Variants in GPRIN3 observed in about 807,000 individuals in gnomAD.
GPRIN3 encodes the protein G protein-regulated inducer of neurite outgrowth 3.
In GPRIN3, 12 loss-of-function variants were observed where a neutral mutation model predicts 13.7. The observed-to-expected ratio is 0.87, with a 90% CI of 0.56 to 1.42. The LOEUF (loss-of-function observed/expected upper bound fraction) is 1.42, where lower values mean the gene tolerates loss of function less well. GPRIN3 is among the 40% of genes most tolerant of loss of function. GPRIN3 has a pLI of 0.00. For missense variants in GPRIN3, 1,009 were observed against 958.7 expected (o/e 1.05, Z -0.69); for synonymous variants, 377 against 372.7 (o/e 1.01, Z -0.13).
Position 89,249,988 on chromosome 4 carries a change from A to T in GPRIN3, c.123T>A (p.Cys41Ter). The change falls in exon 2 of 2, where the codon TGT becomes TGA. Residue 41 changes from cysteine to a stop codon, truncating the protein, a stop_gained. Coordinates refer to ENST00000609438, the MANE Select transcript of GPRIN3 (RefSeq NM_198281.3). LOFTEE classifies it low-confidence loss of function (END_TRUNC). ...ASPRHRPALL[C>*]KNANGFSGAP... ...CACCTGAAAAGCCATTGGCATTCTT[A>T]CACAGGAGAGCTGGTCGATGCCGAG... 1 of 1,614,238 alleles carries T rather than the reference A, an allele frequency of 6.2e-7. No individual in the cohort carries two copies. The highest frequency in any genetic ancestry group is 1.1e-5 in the South Asian group (1 of 91,088).
At position 89,294,050 on chromosome 4, in the gene GPRIN3, A is replaced by G. The variant is rs1425946019; in HGVS notation, c.-124+13565T>C. On this transcript the variant is annotated intron_variant, in intron 1 of 1. Transcript: ENST00000609438. ...ATAGGGACTTGGAATATGCTCTTTT[A>G]CACAATTCCTCTCAAAACTGGTAAG... 2.0e-5 allele frequency among the ~76,000 whole-genome samples: 3 copies of G among 152,142 alleles called. No individual in the cohort carries two copies. In the East Asian group the frequency reaches 5.8e-4, roughly 29 times the overall value.
At chr4:89,279,236 T>C (rs1724176602) in intron 1 of GPRIN3, among the ~76,000 whole-genome samples, 1 of 152,236 alleles carries the variant, frequency 6.6e-6, no homozygotes, top group Admixed American at 6.5e-5. Context: ...ATAGCAGTTG[T>C]GTGAGAAATT....
At chr4:89,268,917 A>C (rs777680729) in intron 1 of GPRIN3, among the ~76,000 whole-genome samples, 2 of 152,196 alleles carry the variant, frequency 1.3e-5, no homozygotes, top group Non-Finnish European at 2.9e-5. Context: ...CTGGCTATGA[A>C]AGCAAGAAAA....
rs1723106590 is a variant in GPRIN3, at chr4:89,246,557, T to C, written c.*1223A>G. ...GTTTTCGTAAAGGCCTCTTCTTTCA[T>C]TGGGTTTGAAGGATATTATGGGTAT... is the stretch of plus-strand genomic sequence containing the variant. On this transcript the variant is annotated 3_prime_UTR_variant, in exon 2 of 2. Transcript: ENST00000609438. 6.6e-6 allele frequency: 1 copy of C among 152,190 alleles called. No homozygotes were observed. Among genetic ancestry groups the C allele is most frequent in the African/African-American group, 2.4e-5 (1 of 41,458 alleles). 9.4% of individuals were successfully genotyped at this position (152,190 alleles called of 1,614,324 possible).
chr4:89,254,989 C>T (rs879504779), intron 1 of GPRIN3, among the ~76,000 whole-genome samples: 1 of 152,206 alleles, frequency 6.6e-6, no homozygotes, highest in Admixed American at 6.5e-5. Context: ...CCTTGACGGG[C>T]GTGGACTCTC....
At chr4:89,257,846 T>C (rs1228166935) in intron 1 of GPRIN3, among the ~76,000 whole-genome samples, 1 of 152,088 alleles carries the variant, frequency 6.6e-6, no homozygotes, top group Non-Finnish European at 1.5e-5. Context: ...AAAGGTCAAT[T>C]GGGCAATACA....
chr4:89,264,081 C>A (rs1044264224), intron 1 of GPRIN3, among the ~76,000 whole-genome samples: 11 of 152,134 alleles, frequency 7.2e-5, no homozygotes, highest in African/African-American at 2.7e-4. Flanking sequence ...ATTGCCTCTT[C>A]TATAGTTTCA....
At chr4:89,268,509 C>T (rs1000622470) in intron 1 of GPRIN3, among the ~76,000 whole-genome samples, 23 of 152,312 alleles carry the variant, frequency 1.5e-4, no homozygotes, top group Non-Finnish European at 2.6e-4. Context: ...GCAAAGGGCA[C>T]AGGCAGGGCA....
chr4:89,237,551 C>T lies in GPRIN3; in HGVS notation c.*10229G>A, dbSNP rs1722817471. On this transcript the variant is annotated 3_prime_UTR_variant, in exon 2 of 2. Transcript: ENST00000609438. ...TCCCTTTTACTGTGTGAGGACACAG[C>T]AAACAGGCACCACACGTGAGCCGGC... The T allele has an allele frequency of 6.6e-6, 1 of 152,154 alleles. No homozygotes were observed. Among genetic ancestry groups the T allele is most frequent in the Admixed American group, 6.5e-5 (1 of 15,278 alleles). 9.4% of individuals were successfully genotyped at this position (152,154 alleles called of 1,614,324 possible). A position where few individuals can be genotyped will look rare whatever the true frequency, so the allele number is the denominator to read the frequency against.
At chr4:89,288,745 A>T (rs1170806644) in intron 1 of GPRIN3, among the ~76,000 whole-genome samples, 2 of 152,192 alleles carry the variant, frequency 1.3e-5, no homozygotes, top group Non-Finnish European at 2.9e-5. Context: ...GATTTATCTT[A>T]AAAAGGAACC....
In GPRIN3 at chr4:89,242,090, A is replaced by G. The variant is rs765987939; in HGVS notation, c.*5690T>C. 5 of 152,198 alleles carry G rather than the reference A, an allele frequency of 3.3e-5. No homozygotes were observed. Among genetic ancestry groups the G allele is most frequent in the Non-Finnish European group, 5.9e-5 (4 of 68,030 alleles). 9.4% of individuals were successfully genotyped at this position (152,198 alleles called of 1,614,324 possible). A position where few individuals can be genotyped will look rare whatever the true frequency, so the allele number is the denominator to read the frequency against. On this transcript the variant is annotated 3_prime_UTR_variant, in exon 2 of 2. Transcript: ENST00000609438. ...TAAATCACTGGGGTATCTCATCATA[A>G]TTATCACCATGCAGGTTGATCATCA...
intron 1 of GPRIN3, among the ~76,000 whole-genome samples, chr4:89,303,916 C>T (rs1384052416): frequency 6.6e-6 from 1 of 151,694 alleles, no homozygotes; most frequent in Non-Finnish European, 1.5e-5. Flanking sequence ...TATTTCAGTC[C>T]AAGCAGAAAT....
At position 89,247,987 on chromosome 4, in the gene GPRIN3, C is replaced by A. The variant is rs1167986544; in HGVS notation, c.2124G>T (p.Ala708=). ...ASLDAESLGI[A]IQNHLQRQIR... ...TTTGTCTTTGCAAATGGTTCTGGATCGCGATTCCCAGGGACTCTGCGTCCA... is the reference window on the plus strand; with the variant it reads ...TTTGTCTTTGCAAATGGTTCTGGATAGCGATTCCCAGGGACTCTGCGTCCA... The change falls in exon 2 of 2, where the codon GCG becomes GCT. Residue 708 remains alanine, a synonymous_variant. Transcript: ENST00000609438. 6.2e-7 allele frequency: 1 copy of A among 1,614,106 alleles called. No individual in the cohort carries two copies. Among genetic ancestry groups the A allele is most frequent in the Non-Finnish European group, 8.5e-7 (1 of 1,179,998 alleles).
chr4:89,292,838 AC>A (rs1299009026), intron 1 of GPRIN3, among the ~76,000 whole-genome samples: 1 of 152,220 alleles, frequency 6.6e-6, no homozygotes, highest in Non-Finnish European at 1.5e-5. Flanking sequence ...TATTATATAA[AC>A]CTTCTGTAGC....
Position 89,249,902 on chromosome 4 carries a change from T to G in GPRIN3, c.209A>C (p.Glu70Ala). Residue 70 changes from glutamate to alanine, a missense_variant, in exon 2 of 2, where the codon GAG (glutamate) becomes GCG (alanine). Physicochemically the swap from Glu to Ala is moderately radical, Grantham distance 107. Transcript: ENST00000609438. The stretch of plus-strand genomic sequence containing the variant: ...CATATCTGGTTGGGTGGTCTCATGC[T>G]CACAAACCTGCATCAGGGCTTCGGC... ...AAAEALMQVCEHETTQPDMSS... is the reference protein window; with the variant it reads ...AAAEALMQVCAHETTQPDMSS... 6.2e-7 allele frequency: 1 copy of G among 1,614,208 alleles called. No homozygotes were observed. Among genetic ancestry groups the G allele is most frequent in the Non-Finnish European group, 8.5e-7 (1 of 1,180,018 alleles).
chr4:89,248,565 CA>C lies in GPRIN3; in HGVS notation c.1545del (p.Cys515TrpfsTer31). 1.2e-6 allele frequency: 2 copies of C among 1,613,182 alleles called. No individual in the cohort carries two copies. Among genetic ancestry groups the C allele is most frequent in the Non-Finnish European group, 1.7e-6 (2 of 1,179,234 alleles). ...GAATGATCAGCTTTGCTGATAGAGC[CA>C]CAAGAGTCAGATAGTTTGCAATCTG... is the stretch of plus-strand genomic sequence containing the variant. ...TDPDCKLSDS[C>X]GSISKADHSG... On this transcript the variant is annotated frameshift_variant, in exon 2 of 2. Coordinates refer to ENST00000609438, the MANE Select transcript of GPRIN3 (RefSeq NM_198281.3). LOFTEE classifies it low-confidence loss of function (END_TRUNC).
At chr4:89,282,593 A>T (rs1183114855) in intron 1 of GPRIN3, among the ~76,000 whole-genome samples, 1 of 126,230 alleles carries the variant, frequency 7.9e-6, no homozygotes, top group Non-Finnish European at 1.5e-5. Context: ...ATTTTTTTGC[A>T]ATTTTTTTTT....
At chr4:89,275,496 A>G (rs1324598744) in intron 1 of GPRIN3, among the ~76,000 whole-genome samples, 1 of 152,224 alleles carries the variant, frequency 6.6e-6, no homozygotes, top group African/African-American at 2.4e-5. Context: ...AAAGAGAATC[A>G]AAACATACAT....
chr4:89,286,905 C>A (rs962859247), intron 1 of GPRIN3, among the ~76,000 whole-genome samples: 8 of 152,160 alleles, frequency 5.3e-5, no homozygotes, highest in African/African-American at 1.9e-4. Context: ...GCAGGAGGAT[C>A]ACTTGAGCCC....
Sources: allele counts gnomAD v4.1 joint callset (sites outside exome capture counted in the v4.1 genomes callset), GRCh38; gene constraint gnomAD v4.1.1; transcripts MANE v1.5; gene names NCBI Gene and HGNC (gene_info 2026-07-23, HGNC 2026-07-21).